The following ARFGEF3 variants were observed in gnomAD, a reference collection of about 807,000 sequenced individuals.
ARFGEF3 encodes brefeldin A-inhibited guanine nucleotide-exchange protein 3.
In ARFGEF3, 96 loss-of-function variants were observed where a neutral mutation model predicts 221.7. The ratio of observed to expected loss-of-function variants is 0.43; its 90% CI spans 0.37 to 0.51. The LOEUF is 0.51. Among genes scored for constraint, ARFGEF3 ranks in the 20% least tolerant of loss-of-function variants. ARFGEF3 has a pLI of 0.00. For missense variants in ARFGEF3, 2,410 were observed against 2,789.9 expected, an observed-to-expected ratio of 0.86 and a Z score of 3.07; for synonymous variants, 1,145 against 1,126.8, an observed-to-expected ratio of 1.02 and a Z score of -0.32.
chr6:138,275,091 G>A (rs1779072867), intron 12 of ARFGEF3, among the ~76,000 whole-genome samples: 1 of 151,870 alleles, frequency 6.6e-6, no homozygotes, highest in Non-Finnish European at 1.5e-5. Context: ...TGGACAACAA[G>A]AGCAAGACTC....
In ARFGEF3 at chr6:138,338,818, A is replaced by C. The variant is rs1372186084; in HGVS notation, c.*2332A>C. The C allele has an allele frequency of 6.6e-6, 1 of 151,844 alleles. No individual in the cohort carries two copies. The highest frequency in any genetic ancestry group is 2.4e-5 in the African/African-American group (1 of 41,348). 9.4% of individuals were successfully genotyped at this position (151,844 alleles called of 1,614,324 possible). On this transcript the variant is annotated 3_prime_UTR_variant, in exon 34 of 34. Transcript: ENST00000251691. ...TCCATCTAAAAAAAAAAAAAAAAAA[A>C]AGTGAATACTGTATCCCAAAGTATG... is the stretch of plus-strand genomic sequence containing the variant.
intron 6 of ARFGEF3, among the ~76,000 whole-genome samples, chr6:138,241,042 T>A (rs1335617375): frequency 6.6e-6 from 1 of 152,206 alleles, no homozygotes; most frequent in African/African-American, 2.4e-5. Context: ...CCGAATGAGA[T>A]GCTGCTACTA....
intron 31 of ARFGEF3, among the ~76,000 whole-genome samples, chr6:138,325,777 A>G (rs1034438952): frequency 2.0e-5 from 3 of 152,232 alleles, no homozygotes; most frequent in African/African-American, 7.2e-5. Flanking sequence ...ATAGATCATC[A>G]ATGGAGAAGA....
Position 138,162,272 on chromosome 6 carries a change from T to G in ARFGEF3, c.85+101T>G. ...GCTTTCGCGGAGCGTCGGTCATGGG[T>G]GCCGTTCTGGCGATTGCGAGAGTCG... On this transcript the variant is annotated intron_variant, in intron 1 of 33. Transcript: ENST00000251691. The surrounding 1 kb of genome is among the most constrained non-coding windows in gnomAD (Gnocchi z 4.7). 1.3e-6 allele frequency: 1 copy of G among 787,168 alleles called. No homozygotes were observed. The highest frequency in any genetic ancestry group is 2.0e-6 in the Non-Finnish European group (1 of 510,096). The allele number at this position is 787,168 out of a possible 1,614,324, so 48.8% of individuals were successfully genotyped here. A position where few individuals can be genotyped will look rare whatever the true frequency, so the allele number is the denominator to read the frequency against.
At chr6:138,180,706 G>A (rs1777062609) in intron 2 of ARFGEF3, among the ~76,000 whole-genome samples, 1 of 152,218 alleles carries the variant, frequency 6.6e-6, no homozygotes, top group Admixed American at 6.5e-5. Context: ...GGCAATGTGG[G>A]GAAGACATTG....
chr6:138,313,971 T>C (rs142401083), intron 26 of ARFGEF3, 32 bp downstream of exon 26: 3 of 1,607,188 alleles, frequency 1.9e-6, no homozygotes, highest in Non-Finnish European at 1.7e-6. Flanking sequence ...AACTAGGTTA[T>C]TTGCTGTGTT....
chr6:138,293,962 A>G, intron 19 of ARFGEF3, 31 bp from the exon 20 acceptor site: 1 of 1,604,300 alleles, frequency 6.2e-7, no homozygotes, highest in Non-Finnish European at 8.5e-7. Context: ...AATTGTTTCC[A>G]AAGAACACAT....
intron 2 of ARFGEF3, among the ~76,000 whole-genome samples, chr6:138,192,252 G>C (rs1777318487): frequency 6.6e-6 from 1 of 152,150 alleles, no homozygotes; most frequent in Admixed American, 6.5e-5. Context: ...ACTTTGGGAG[G>C]TCGAGGCAGG....
At chr6:138,273,608 C>T (rs115805280) in intron 12 of ARFGEF3, among the ~76,000 whole-genome samples, 1,720 of 152,222 alleles carry the variant, frequency 0.011, 16 homozygotes, top group Middle Eastern at 0.061. Flanking sequence ...TCATGACATT[C>T]GAAGCAAGTA....
At chr6:138,312,224 G>A (rs1406230145) in intron 25 of ARFGEF3, among the ~76,000 whole-genome samples, 3 of 152,026 alleles carry the variant, frequency 2.0e-5, no homozygotes, top group East Asian at 3.9e-4. Context: ...AGTGACCATC[G>A]TTGGGTCCAT....
rs188125544 is a variant in ARFGEF3 at position 138,250,255 on chromosome 6, G to A, written c.666-3625G>A. Among the ~76,000 whole-genome samples, 37 of 152,282 alleles carry A rather than the reference G, an allele frequency of 2.4e-4. No individual in the cohort carries two copies. The East Asian group carries it at 5.8e-3, about 24-fold the overall frequency. ...ATTCAGGTACGCAGAACACTCCCTC[G>A]CATGCCTTGGAGATGTGGTATTAAT... On this transcript the variant is annotated intron_variant, in intron 8 of 33. Transcript: ENST00000251691.
At position 138,280,978 on chromosome 6, in the gene ARFGEF3, T is replaced by C. The variant is rs115482454; in HGVS notation, c.2461+814T>C. ...TCCTTGTCTTCAGTGTCCAGAGCTT[T>C]TATCTTTTTTAAGAAAATATTTATT... On this transcript the variant is annotated intron_variant, in intron 14 of 33. Coordinates refer to ENST00000251691, the MANE Select transcript of ARFGEF3 (RefSeq NM_020340.5). 7.0e-3 allele frequency among the ~76,000 whole-genome samples: 1,071 copies of C among 152,254 alleles called. 8 individuals are homozygous for C. The highest frequency in any genetic ancestry group is 0.029 in the South Asian group (140 of 4,826).
intron 4 of ARFGEF3, among the ~76,000 whole-genome samples, chr6:138,220,262 C>T (rs1024327132): frequency 4.6e-5 from 7 of 152,110 alleles, no homozygotes; most frequent in African/African-American, 1.7e-4. Flanking sequence ...CTTGGCCTCC[C>T]GAAGTGCTAG....
chr6:138,334,214 C>T lies in ARFGEF3; in HGVS notation c.5368C>T (p.Leu1790=). Residue 1790 remains leucine (L), a synonymous_variant, in exon 33 of 34, where the codon CTG becomes TTG. Coordinates refer to ENST00000251691, the MANE Select transcript of ARFGEF3 (RefSeq NM_020340.5). The surrounding 1 kb of genome is among the most constrained non-coding windows in gnomAD (Gnocchi z 5.1). ...CAGGGAGTTTGACACCAGCCCCGGG[C>T]TGAAGTGCCTGCTGAAGAAAGTGTC... is the stretch of plus-strand genomic sequence containing the variant. The part of the protein sequence containing the change: ...TAREFDTSPG[L]KCLLKKVSGI... 2 of 1,613,834 alleles carry T rather than the reference C, an allele frequency of 1.2e-6. No homozygotes were observed. Among genetic ancestry groups the T allele is most frequent in the Admixed American group, 1.7e-5 (1 of 60,006 alleles).
chr6:138,273,932 T>C (rs1358371378), intron 12 of ARFGEF3, among the ~76,000 whole-genome samples: 1 of 152,216 alleles, frequency 6.6e-6, no homozygotes, highest in African/African-American at 2.4e-5. Flanking sequence ...TGCCAGCTCT[T>C]TGTAATTTAA....
chr6:138,308,601 A>C, intron 23 of ARFGEF3, 138 bp from the exon 24 acceptor site: 1 of 922,600 alleles, frequency 1.1e-6, no homozygotes, highest in Non-Finnish European at 1.7e-6. Flanking sequence ...CCAATGGCCC[A>C]ATAAAAAACC....
intron 2 of ARFGEF3, among the ~76,000 whole-genome samples, chr6:138,205,394 T>C (rs573961102): frequency 6.6e-6 from 1 of 152,202 alleles, no homozygotes; most frequent in African/African-American, 2.4e-5. Context: ...TTAATCCTGG[T>C]GGAAATTTGA....
chr6:138,296,947 C>G lies in ARFGEF3; in HGVS notation c.3640C>G (p.Leu1214Val), dbSNP rs765921806. The G allele has an allele frequency of 2.5e-6, 4 of 1,612,180 alleles. No homozygotes were observed. Among genetic ancestry groups the G allele is most frequent in the Non-Finnish European group, 3.4e-6 (4 of 1,179,224 alleles). ...MRCWSLVAPH[L>V]VEAACHKERH... ...CTGCTGGAGCCTTGTGGCCCCACACCTGGTGGAGGTGAGCACTGGGAAGGT... is the reference window on the plus strand; with the variant it reads ...CTGCTGGAGCCTTGTGGCCCCACACGTGGTGGAGGTGAGCACTGGGAAGGT... Residue 1214 changes from leucine to valine, a missense_variant, in exon 21 of 34, where the codon CTG becomes GTG. Leu to Val is a conservative substitution (Grantham distance 32). Around this residue, in one of 5 missense-constraint regions of ARFGEF3, gnomAD observed 723 missense variants for 991.9 expected, o/e 0.73. Coordinates refer to ENST00000251691, the MANE Select transcript of ARFGEF3 (RefSeq NM_020340.5).
intron 1 of ARFGEF3, among the ~76,000 whole-genome samples, chr6:138,168,071 C>G (rs151228730): frequency 1.2e-4 from 19 of 152,262 alleles, no homozygotes; most frequent in Middle Eastern, 3.4e-3. Flanking sequence ...ATTAATTCAG[C>G]AAATATTTAG....
Sources: allele counts gnomAD v4.1 joint callset (sites outside exome capture counted in the v4.1 genomes callset), GRCh38; gene constraint gnomAD v4.1.1; regional missense constraint gnomAD v4.1.1; non-coding constraint Gnocchi (gnomAD v3.1); transcripts MANE v1.5; gene names NCBI Gene and HGNC (gene_info 2026-07-23, HGNC 2026-07-21).